The following TBC1D1 variants were observed in gnomAD, a reference collection of about 807,000 sequenced individuals.
TBC1D1 encodes the protein TBC1 domain family member 1.
A neutral mutation model predicts 125.6 loss-of-function variants in TBC1D1; 89 were observed. The observed-to-expected ratio is 0.71, with a 90% confidence interval of 0.60 to 0.85. TBC1D1 has a LOEUF of 0.85. Ranked by LOEUF, TBC1D1 falls within the 40% of genes least tolerant of loss-of-function variation. The pLI, the probability that TBC1D1 is intolerant of heterozygous loss-of-function variation, is 0.00. For synonymous variants in TBC1D1, 565 were observed against 564.1 expected (o/e 1.00, Z -0.02); for missense variants, 1,377 against 1,469.2 (o/e 0.94, Z 1.03).
rs559625923 is a variant in TBC1D1, at chr4:38,014,440, T to C, written c.418-69T>C. ...GCCAGCGGGGCGTCCCGAAAGAGCA[T>C]GGTGCATTCATTCCGTGAGTGCCAG... On this transcript the variant is annotated intron_variant, in intron 2 of 19. Coordinates refer to ENST00000261439, the MANE Select transcript of TBC1D1 (RefSeq NM_015173.4). This position sits in a 1 kb window ranked among gnomAD's most constrained non-coding sequence, Gnocchi z 5.1. The C allele has an allele frequency of 2.0e-4, 303 of 1,481,210 alleles. 1 individual carries two copies. In the African/African-American group the frequency reaches 3.9e-3, roughly 19 times the overall value. The allele number at this position is 1,481,210 out of a possible 1,614,324, so 91.8% of individuals were successfully genotyped here. A position where few individuals can be genotyped will look rare whatever the true frequency, so the allele number is the denominator to read the frequency against.
intron 2 of TBC1D1, among the ~76,000 whole-genome samples, chr4:37,947,349 CT>C (rs769039848): frequency 6.6e-6 from 1 of 152,062 alleles, no homozygotes; most frequent in Non-Finnish European, 1.5e-5. Context: ...TAGAAATGGA[CT>C]TTCACTATGT....
At chr4:38,032,607 G>A (rs973264640) in intron 7 of TBC1D1, among the ~76,000 whole-genome samples, 1 of 152,100 alleles carries the variant, frequency 6.6e-6, no homozygotes, top group African/African-American at 2.4e-5. Context: ...GGCAGAGGTG[G>A]GTGGATCACG....
intron 12 of TBC1D1, among the ~76,000 whole-genome samples, chr4:38,076,101 T>G (rs550112784): frequency 6.6e-6 from 1 of 152,268 alleles, no homozygotes; most frequent in African/African-American, 2.4e-5. Context: ...GGGTAATTTA[T>G]AAAGGAAAGA....
intron 12 of TBC1D1, among the ~76,000 whole-genome samples, chr4:38,075,501 G>T (rs1220145480): frequency 2.0e-5 from 3 of 152,216 alleles, no homozygotes; most frequent in Non-Finnish European, 4.4e-5. Flanking sequence ...CGAACATTGT[G>T]TTGGGTTGGG....
intron 2 of TBC1D1, among the ~76,000 whole-genome samples, chr4:38,008,258 A>G (rs1740761043): frequency 6.6e-6 from 1 of 152,166 alleles, no homozygotes; most frequent in South Asian, 2.1e-4. Flanking sequence ...TTACAGTGCA[A>G]TCTTCCTTTT....
chr4:37,921,531 C>T (rs1042946420), intron 2 of TBC1D1, among the ~76,000 whole-genome samples: 4 of 151,632 alleles, frequency 2.6e-5, no homozygotes, highest in Admixed American at 6.6e-5. Flanking sequence ...CTCAGCCTCC[C>T]TAGTAGCTGG....
At chr4:37,897,111 GT>G (rs1354484701) in intron 1 of TBC1D1, among the ~76,000 whole-genome samples, 1 of 152,090 alleles carries the variant, frequency 6.6e-6, no homozygotes, top group Admixed American at 6.6e-5. Flanking sequence ...GGAATATGAG[GT>G]TCTATTTGGG....
At chr4:38,047,178 T>A (rs574773228) in intron 10 of TBC1D1, among the ~76,000 whole-genome samples, 1 of 152,320 alleles carries the variant, frequency 6.6e-6, no homozygotes, top group South Asian at 2.1e-4. Flanking sequence ...TACCACCTAC[T>A]AACATGATAG....
At chr4:37,983,347 T>C (rs1734775995) in intron 2 of TBC1D1, among the ~76,000 whole-genome samples, 1 of 152,088 alleles carries the variant, frequency 6.6e-6, no homozygotes, top group Non-Finnish European at 1.5e-5. Context: ...TCTCCTGACC[T>C]CGTGATCTAC....
intron 1 of TBC1D1, among the ~76,000 whole-genome samples, chr4:37,898,340 AAGT>A (rs138822653): frequency 0.051 from 7,765 of 152,178 alleles, 347 homozygotes; most frequent in African/African-American, 0.12. Flanking sequence ...GGTAGGACTT[AAGT>A]ACTAGTTGGA....
chr4:37,944,641 G>T (rs539926449), intron 2 of TBC1D1, among the ~76,000 whole-genome samples: 1 of 152,212 alleles, frequency 6.6e-6, no homozygotes. Flanking sequence ...AGCCAGGTGC[G>T]GGACATAATC....
chr4:38,089,835 T>C, intron 12 of TBC1D1, 97 bp from the exon 15 acceptor site: 1 of 1,249,304 alleles, frequency 8.0e-7, no homozygotes, highest in Non-Finnish European at 1.1e-6. Flanking sequence ...TTATTATATT[T>C]TATCTGAATG....
chr4:38,044,789 G>A (rs906832316), intron 9 of TBC1D1, among the ~76,000 whole-genome samples: 14 of 152,290 alleles, frequency 9.2e-5, no homozygotes, highest in Non-Finnish European at 1.6e-4. Context: ...ACACTGAAGT[G>A]TGGCTTCTGT....
chr4:37,910,615 G>A (rs1457329854), intron 2 of TBC1D1, among the ~76,000 whole-genome samples: 1 of 152,068 alleles, frequency 6.6e-6, no homozygotes, highest in Admixed American at 6.6e-5. Context: ...AACTCATGGA[G>A]ATAGGGAGTA....
At chr4:37,918,556 T>C (rs1285694888) in intron 2 of TBC1D1, among the ~76,000 whole-genome samples, 3 of 151,978 alleles carry the variant, frequency 2.0e-5, no homozygotes, top group African/African-American at 7.3e-5. Context: ...CAAGCGATTC[T>C]CCTGTCTCAG....
chr4:38,111,177 T>C (rs953119038), intron 15 of TBC1D1, among the ~76,000 whole-genome samples: 1 of 152,242 alleles, frequency 6.6e-6, no homozygotes, highest in African/African-American at 2.4e-5. Context: ...ATTATACGAA[T>C]GTGGATTGTC....
In TBC1D1 at chr4:37,995,491, G is replaced by T. The variant is rs924303420; in HGVS notation, c.418-19018G>T. The T allele has an allele frequency of 9.8e-5, 25 of 254,126 alleles. No individual in the cohort carries two copies. The highest frequency in any genetic ancestry group is 1.8e-4 in the Non-Finnish European group (22 of 125,050). The allele number at this position is 254,126 out of a possible 1,614,324, so 15.7% of individuals were successfully genotyped here. ...ATCATTTGTTTTCCTTCCAGCCCTGGGCTCAGTACACAGATGGTTTCTCTT... is the reference window on the plus strand; with the variant it reads ...ATCATTTGTTTTCCTTCCAGCCCTGTGCTCAGTACACAGATGGTTTCTCTT... On this transcript the variant is annotated intron_variant, in intron 2 of 19. Transcript: ENST00000261439. The surrounding 1 kb of genome is among the most constrained non-coding windows in gnomAD (Gnocchi z 4.3).
intron 2 of TBC1D1, among the ~76,000 whole-genome samples, chr4:37,994,544 T>A (rs1160331018): frequency 6.6e-6 from 1 of 152,210 alleles, no homozygotes; most frequent in African/African-American, 2.4e-5. Context: ...ATGCCCAGCC[T>A]CTTTCTTTCC....
At chr4:38,064,339 C>A (rs1753301288) in intron 12 of TBC1D1, among the ~76,000 whole-genome samples, 1 of 151,926 alleles carries the variant, frequency 6.6e-6, no homozygotes, top group Admixed American at 6.5e-5. Flanking sequence ...GGTGTGGAAA[C>A]TCCTCCTCCA....
Sources: gnomAD v4.1 joint callset for allele counts (sites outside exome capture counted in the v4.1 genomes callset) on GRCh38, gnomAD v4.1.1 for gene constraint, Gnocchi (gnomAD v3.1) non-coding constraint, MANE v1.5 for transcripts, NCBI Gene and HGNC (gene_info 2026-07-23, HGNC 2026-07-21) for gene names.